Variants in COL5A2 observed in about 807,000 individuals in gnomAD.
COL5A2 encodes collagen type V alpha 2 chain.
A neutral mutation model predicts 208.2 loss-of-function variants in COL5A2; 23 were observed. That is an observed-to-expected ratio of 0.11 (90% CI 0.08 to 0.16). The LOEUF is 0.16. COL5A2 is among the 10% of genes least tolerant of loss of function. The pLI is 1.00. For synonymous variants in COL5A2, 625 were observed against 628.5 expected (o/e 0.99, Z 0.08); for missense variants, 1,590 against 1,956.4 (o/e 0.81, Z 3.53).
the COL5A2 span, among the ~76,000 whole-genome samples, chr2:189,424,206 A>G: frequency 2.1e-3 from 315 of 152,324 alleles, 2 homozygotes; most frequent in African/African-American, 6.5e-3. Context: ...CCTTAACACA[A>G]TAAAGGCCAT....
At chr2:189,243,664 C>T in the COL5A2 span, among the ~76,000 whole-genome samples, 2 of 152,118 alleles carry the variant, frequency 1.3e-5, no homozygotes, top group East Asian at 3.8e-4. Flanking sequence ...AATCTCATAT[C>T]CTCACATTTC....
the COL5A2 span, among the ~76,000 whole-genome samples, chr2:189,288,739 A>AG: frequency 6.6e-6 from 1 of 152,204 alleles, no homozygotes; most frequent in Admixed American, 6.5e-5. Flanking sequence ...CTGATACCAA[A>AG]GCCAGACAAA....
chr2:189,272,342 T>A, the COL5A2 span, among the ~76,000 whole-genome samples: 5 of 152,042 alleles, frequency 3.3e-5, no homozygotes, highest in African/African-American at 1.2e-4. Flanking sequence ...TAAAAAAGGA[T>A]GAGTTCATGT....
chr2:189,205,854 C>T (rs919985666), intron 1 of COL5A2, among the ~76,000 whole-genome samples: 1 of 151,990 alleles, frequency 6.6e-6, no homozygotes, highest in Admixed American at 6.5e-5. Flanking sequence ...ATTAGGATAT[C>T]ACATTTATTA....
intron 50 of COL5A2, among the ~76,000 whole-genome samples, chr2:189,040,093 T>C (rs1250458372): frequency 6.6e-6 from 1 of 152,170 alleles, no homozygotes; most frequent in Non-Finnish European, 1.5e-5. Context: ...CAGGAAGTCC[T>C]TTTATGTGCA....
chr2:189,080,096 C>T, intron 13 of COL5A2, 65 bp from the exon 14 acceptor site: 1 of 1,250,566 alleles, frequency 8.0e-7, no homozygotes, highest in Non-Finnish European at 1.2e-6. Context: ...GGCATAAGAA[C>T]CAAAAATAAG....
intron 1 of COL5A2, among the ~76,000 whole-genome samples, chr2:189,193,414 T>G (rs1400456520): frequency 6.6e-6 from 1 of 152,226 alleles, no homozygotes; most frequent in Non-Finnish European, 1.5e-5. Context: ...ATCAAAATAC[T>G]ATTTATTTAC....
At chr2:189,106,747 TTAG>T (rs1687157706) in intron 2 of COL5A2, among the ~76,000 whole-genome samples, 1 of 151,342 alleles carries the variant, frequency 6.6e-6, no homozygotes, top group South Asian at 2.1e-4. Flanking sequence ...TTGTATTATG[TTAG>T]TATCATTTAT....
chr2:189,255,255 C>G, the COL5A2 span, among the ~76,000 whole-genome samples: 1 of 152,166 alleles, frequency 6.6e-6, no homozygotes, highest in East Asian at 1.9e-4. Flanking sequence ...AAGTCCAATT[C>G]AAATATAAAT....
chr2:189,424,734 C>T, the COL5A2 span, among the ~76,000 whole-genome samples: 7 of 152,238 alleles, frequency 4.6e-5, no homozygotes, highest in East Asian at 5.8e-4. Flanking sequence ...GTTACAATGT[C>T]CACACTACCC....
At chr2:189,049,171 C>G (rs1353706577) in intron 44 of COL5A2, among the ~76,000 whole-genome samples, 176 bp downstream of exon 44, 1 of 152,196 alleles carries the variant, frequency 6.6e-6, no homozygotes, top group African/African-American at 2.4e-5. Flanking sequence ...ATTACCTTTT[C>G]TTTATGTCAT....
chr2:189,179,372 C>T, intron 1 of COL5A2, 136 bp downstream of exon 1: 1 of 946,996 alleles, frequency 1.1e-6, no homozygotes, highest in Non-Finnish European at 1.7e-6. Flanking sequence ...AGTCGTTTTC[C>T]AGGTGCAAAT....
chr2:189,066,421 G>A lies in COL5A2; in HGVS notation c.1532C>T (p.Thr511Ile), dbSNP rs745307059. 6 of 1,614,150 alleles carry A rather than the reference G, an allele frequency of 3.7e-6. No homozygotes were observed. The South Asian group carries it at 6.6e-5, about 18-fold the overall frequency. The change falls in exon 23 of 54, where the codon ACA becomes ATA. Residue 511 changes from threonine (T) to isoleucine (I), a missense_variant. Thr to Ile is a moderately conservative substitution (Grantham distance 89). Transcript: ENST00000374866. The part of the protein sequence containing the change: ...GKRGPRGDPG[T>I]VGPPGPVGER... The stretch of plus-strand genomic sequence containing the variant: ...TCCCACTGGCCCTGGAGGACCAACT[G>A]TTCCTGGGTCACCTCTGGGACCTCT...
At chr2:189,420,281 A>G in the COL5A2 span, among the ~76,000 whole-genome samples, 1 of 152,210 alleles carries the variant, frequency 6.6e-6, no homozygotes, top group Non-Finnish European at 1.5e-5. Context: ...TTCAGATTTT[A>G]TGAATTATGA....
chr2:189,047,299 T>C (rs1391466066), intron 45 of COL5A2, among the ~76,000 whole-genome samples: 4 of 152,240 alleles, frequency 2.6e-5, no homozygotes, highest in African/African-American at 4.8e-5. Flanking sequence ...TTGCACTATA[T>C]AGTATATATT....
the COL5A2 span, among the ~76,000 whole-genome samples, chr2:189,361,164 T>G: frequency 6.6e-6 from 1 of 152,122 alleles, no homozygotes. Context: ...TTGTTGGTGT[T>G]GATTTTCCCT....
chr2:189,111,346 A>C (rs1188097377), intron 1 of COL5A2, among the ~76,000 whole-genome samples: 2 of 152,198 alleles, frequency 1.3e-5, no homozygotes, highest in Non-Finnish European at 2.9e-5. Context: ...ATACTACAGA[A>C]TTTTAAAACA....
At chr2:189,136,673 C>T (rs1687833714) in intron 1 of COL5A2, among the ~76,000 whole-genome samples, 1 of 151,268 alleles carries the variant, frequency 6.6e-6, no homozygotes. Context: ...AATTTCCAAA[C>T]CTGATCTTTC....
chr2:189,062,438 C>T (rs1470473548), intron 29 of COL5A2, among the ~76,000 whole-genome samples: 1 of 152,100 alleles, frequency 6.6e-6, no homozygotes, highest in Non-Finnish European at 1.5e-5. Context: ...CCTACCCTGG[C>T]CTCCCTAAGT....
Sources: gnomAD v4.1 joint callset for allele counts (sites outside exome capture counted in the v4.1 genomes callset) on GRCh38, gnomAD v4.1.1 for gene constraint, MANE v1.5 for transcripts, NCBI Gene and HGNC (gene_info 2026-07-23, HGNC 2026-07-21) for gene names.